The following INSM2 variants were observed in gnomAD, a reference collection of about 807,000 sequenced individuals.
INSM2 encodes the protein INSM transcriptional repressor 2.
Under a neutral mutation model 30.5 loss-of-function variants are expected in INSM2, and 12 were observed. The ratio of observed to expected loss-of-function variants is 0.39; its 90% CI spans 0.25 to 0.64. The LOEUF is 0.64. Among genes scored for constraint, INSM2 ranks in the 30% least tolerant of loss-of-function variants. The pLI is 0.47. For synonymous variants in INSM2, 418 were observed against 383.7 expected (o/e 1.09, Z -1.05); for missense variants, 773 against 819.2 (o/e 0.94, Z 0.69).
Position 35,536,098 on chromosome 14 carries a change from C to A in INSM2, c.*145C>A. On this transcript the variant is annotated 3_prime_UTR_variant, in exon 1 of 1. Transcript: ENST00000307169. ...TAAAATTCTCCCTGTAGTCAATGTT[C>A]CACCAGAGGAGCGGACAGTGAAATG... 1.0e-6 allele frequency: 1 copy of A among 977,484 alleles called. No individual in the cohort carries two copies. Among genetic ancestry groups the A allele is most frequent in the Non-Finnish European group, 1.5e-6 (1 of 654,884 alleles). The allele number at this position is 977,484 out of a possible 1,614,324, so 60.6% of individuals were successfully genotyped here.
At position 35,534,808 on chromosome 14, in the gene INSM2, G is replaced by T. The variant is rs762759198; in HGVS notation, c.556G>T (p.Ala186Ser). 4 of 1,470,054 alleles carry T rather than the reference G, an allele frequency of 2.7e-6. No individual in the cohort carries two copies. In the Admixed American group the frequency reaches 1.1e-4, roughly 41 times the overall value. 91.1% of individuals were successfully genotyped at this position (1,470,054 alleles called of 1,614,324 possible). ...TCAGCCGGACCCTGCGCCCCTCTCG[G>T]CCGCCCTTCAGAGTCTGAAGCGGGC... ...ALQPDPAPLS[A>S]ALQSLKRAAG... The change falls in exon 1 of 1, where the codon GCC (alanine) becomes TCC (serine). Residue 186 changes from alanine (A) to serine (S), a missense_variant. Ala to Ser is a moderately conservative substitution (Grantham distance 99). Coordinates refer to ENST00000307169, the MANE Select transcript of INSM2 (RefSeq NM_032594.4).
In INSM2 at chr14:35,535,105, C is replaced by A; in HGVS notation, c.853C>A (p.Arg285Ser). ...CGCGCTGGCCCAGCACCGCTGCTCC[C>A]GCATCGTGCGCGTAGAGTACCGCTG... Reference protein sequence around the residue: ...PFALAQHRCSRIVRVEYRCPE... With the variant: ...PFALAQHRCSSIVRVEYRCPE... The change falls in exon 1 of 1, where the codon CGC (arginine) becomes AGC (serine). Residue 285 changes from arginine (R) to serine (S), a missense_variant. By Grantham distance (110) the Arg-to-Ser change is moderately radical. Coordinates refer to ENST00000307169, the MANE Select transcript of INSM2 (RefSeq NM_032594.4). The A allele has an allele frequency of 1.9e-6, 3 of 1,604,646 alleles. No individual in the cohort carries two copies. Among genetic ancestry groups the A allele is most frequent in the Non-Finnish European group, 2.6e-6 (3 of 1,175,006 alleles).
Position 35,535,125 on chromosome 14 carries a change from C to T in INSM2, c.873C>T (p.Tyr291=). 1 of 1,609,318 alleles carries T rather than the reference C, an allele frequency of 6.2e-7. No homozygotes were observed. Among genetic ancestry groups the T allele is most frequent in the Non-Finnish European group, 8.5e-7 (1 of 1,177,772 alleles). ...GCTCCCGCATCGTGCGCGTAGAGTA[C>T]CGCTGCCCTGAGTGCGACAAGGTGT... ...HRCSRIVRVE[Y]RCPECDKVFS... The change falls in exon 1 of 1, where the codon TAC becomes TAT. Residue 291 remains tyrosine, a synonymous_variant. Transcript: ENST00000307169.
At position 35,536,023 on chromosome 14, in the gene INSM2, T is replaced by G; in HGVS notation, c.*70T>G. ...CAGATCATGGGAATTTCTGTGGGGCTTTCTTCAACTTGCAAGTTTACTTTC... is the reference window on the plus strand; with the variant it reads ...CAGATCATGGGAATTTCTGTGGGGCGTTCTTCAACTTGCAAGTTTACTTTC... On this transcript the variant is annotated 3_prime_UTR_variant, in exon 1 of 1. Transcript: ENST00000307169. 6.7e-7 allele frequency: 1 copy of G among 1,496,070 alleles called. No homozygotes were observed. The highest frequency in any genetic ancestry group is 1.3e-5 in the South Asian group (1 of 74,464). The allele number at this position is 1,496,070 out of a possible 1,614,324, so 92.7% of individuals were successfully genotyped here. A position where few individuals can be genotyped will look rare whatever the true frequency, so the allele number is the denominator to read the frequency against.
At position 35,534,933 on chromosome 14, in the gene INSM2, T is replaced by C; in HGVS notation, c.681T>C (p.Phe227=). The C allele has an allele frequency of 6.3e-7, 1 of 1,591,518 alleles. No homozygotes were observed. The highest frequency in any genetic ancestry group is 8.5e-7 in the Non-Finnish European group (1 of 1,171,146). The change falls in exon 1 of 1, where the codon TTT becomes TTC. Residue 227 remains phenylalanine (F), a synonymous_variant. Transcript: ENST00000307169. The part of the protein sequence containing the change: ...KKPKAMRKLS[F]ADEVTTSPVL... ...CAAAGGCCATGAGGAAGTTGAGCTT[T>C]GCCGATGAGGTGACCACATCCCCTG...
chr14:35,535,669 C>A lies in INSM2; in HGVS notation c.1417C>A (p.Pro473Thr). 6.2e-7 allele frequency: 1 copy of A among 1,613,274 alleles called. No individual in the cohort carries two copies. Among genetic ancestry groups the A allele is most frequent in the Non-Finnish European group, 8.5e-7 (1 of 1,180,044 alleles). Residue 473 changes from proline to threonine, a missense_variant, in exon 1 of 1, where the codon CCA (proline) becomes ACA (threonine). Transcript: ENST00000307169. ...ERGAPLAFAC[P>T]LCGAHFPTAD... ...CGGTGCCCCACTTGCCTTCGCTTGC[C>A]CATTGTGCGGAGCGCACTTCCCTAC... is the stretch of plus-strand genomic sequence containing the variant.
At position 35,536,045 on chromosome 14, in the gene INSM2, T is replaced by G. The variant is rs2053597241; in HGVS notation, c.*92T>G. 7.0e-7 allele frequency: 1 copy of G among 1,426,032 alleles called. No individual in the cohort carries two copies. The highest frequency in any genetic ancestry group is 1.4e-5 in the African/African-American group (1 of 69,916). 88.3% of individuals were successfully genotyped at this position (1,426,032 alleles called of 1,614,324 possible). On this transcript the variant is annotated 3_prime_UTR_variant, in exon 1 of 1. Transcript: ENST00000307169. Reference sequence around the variant, plus strand: ...GGCTTTCTTCAACTTGCAAGTTTACTTTCATTCCTTCCTATGTTTTAATCC... The same window carrying G: ...GGCTTTCTTCAACTTGCAAGTTTACGTTCATTCCTTCCTATGTTTTAATCC...
At position 35,534,860 on chromosome 14, in the gene INSM2, C is replaced by A; in HGVS notation, c.608C>A (p.Ala203Glu). The change falls in exon 1 of 1, where the codon GCA becomes GAA. Residue 203 changes from alanine (A) to glutamate (E), a missense_variant. By Grantham distance (107) the Ala-to-Glu change is moderately radical (BLOSUM62 -1). Transcript: ENST00000307169. The stretch of plus-strand genomic sequence containing the variant: ...GCCGGCGGCGAGCGCCGCGGCAAGG[C>A]ACCCACGGACTGCGCGTCTGGACCC... The part of the protein sequence containing the change: ...RAAGGERRGK[A>E]PTDCASGPAA... 1 of 1,559,516 alleles carries A rather than the reference C, an allele frequency of 6.4e-7. No individual in the cohort carries two copies. The highest frequency in any genetic ancestry group is 1.2e-5 in the South Asian group (1 of 84,330).
At position 35,536,734 on chromosome 14, in the gene INSM2, T is replaced by G. The variant is rs1455132905; in HGVS notation, c.*781T>G. The G allele has an allele frequency of 6.0e-6, 1 of 167,038 alleles. No homozygotes were observed. The highest frequency in any genetic ancestry group is 2.4e-5 in the African/African-American group (1 of 41,468). The allele number at this position is 167,038 out of a possible 1,614,324, so 10.3% of individuals were successfully genotyped here. On this transcript the variant is annotated 3_prime_UTR_variant, in exon 1 of 1. Transcript: ENST00000307169. ...AAATACAGAAGTCGTTTCCTCAAGTTTGACTGTTTTAATGGGGTTTCACCC... is the reference window on the plus strand; with the variant it reads ...AAATACAGAAGTCGTTTCCTCAAGTGTGACTGTTTTAATGGGGTTTCACCC...
Position 35,534,859 on chromosome 14 carries a change from GCACCCAC to G in INSM2, c.608_614del (p.Ala203GlyfsTer18). On this transcript the variant is annotated frameshift_variant, in exon 1 of 1. Transcript: ENST00000307169. LOFTEE classifies it high-confidence loss of function. The stretch of plus-strand genomic sequence containing the variant: ...GGCCGGCGGCGAGCGCCGCGGCAAG[GCACCCAC>G]GGACTGCGCGTCTGGACCCGCGGCC... The G allele has an allele frequency of 6.4e-7, 1 of 1,559,122 alleles. No homozygotes were observed. Among genetic ancestry groups the G allele is most frequent in the Non-Finnish European group, 8.6e-7 (1 of 1,159,950 alleles).
At position 35,535,414 on chromosome 14, in the gene INSM2, C is replaced by T. The variant is rs2053590317; in HGVS notation, c.1162C>T (p.Gln388Ter). ...HPDSAPRQGL[Q>*]VLTHPEPPLP... Reference sequence around the variant, plus strand: ...GGACAGCGCCCCGAGGCAGGGCCTCCAGGTGCTGACGCATCCAGAGCCACC... The same window carrying T: ...GGACAGCGCCCCGAGGCAGGGCCTCTAGGTGCTGACGCATCCAGAGCCACC... The change falls in exon 1 of 1, where the codon CAG (glutamine) becomes TAG (stop). Residue 388 changes from glutamine (Q) to a stop codon, truncating the protein, a stop_gained. Transcript: ENST00000307169. LOFTEE classifies it high-confidence loss of function. 1 of 1,611,822 alleles carries T rather than the reference C, an allele frequency of 6.2e-7. No homozygotes were observed. The highest frequency in any genetic ancestry group is 1.7e-5 in the Admixed American group (1 of 59,958).
Position 35,534,336 on chromosome 14 carries a change from G to A in INSM2, c.84G>A (p.Leu28=). The A allele has an allele frequency of 6.3e-7, 1 of 1,586,502 alleles. No homozygotes were observed. Among genetic ancestry groups the A allele is most frequent in the Non-Finnish European group, 8.6e-7 (1 of 1,168,134 alleles). ...RVRLAERVFP[L]LGPQGAPPFL... ...GCCTTGCGGAGCGTGTCTTCCCTCT[G>A]CTGGGGCCCCAGGGGGCGCCGCCCT... The change falls in exon 1 of 1, where the codon CTG becomes CTA. Residue 28 remains leucine, a synonymous_variant. Coordinates refer to ENST00000307169, the MANE Select transcript of INSM2 (RefSeq NM_032594.4).
In INSM2 at chr14:35,535,496, G is replaced by T. The variant is rs2053591475; in HGVS notation, c.1244G>T (p.Gly415Val). 1 of 1,613,316 alleles carries T rather than the reference G, an allele frequency of 6.2e-7. No individual in the cohort carries two copies. Among genetic ancestry groups the T allele is most frequent in the East Asian group, 2.2e-5 (1 of 44,874 alleles). The stretch of plus-strand genomic sequence containing the variant: ...TTGGGGCGCCGGGTACCTGTGCCGG[G>T]CAGTACCAGTGGTGGCAGGGGATCC... Reference protein sequence around the residue: ...GVLGRRVPVPGSTSGGRGSEI... With the variant: ...GVLGRRVPVPVSTSGGRGSEI... The change falls in exon 1 of 1, where the codon GGC (glycine) becomes GTC (valine). Residue 415 changes from glycine (G) to valine (V), a missense_variant. Physicochemically the swap from Gly to Val is moderately radical, Grantham distance 109. Transcript: ENST00000307169.
At position 35,535,463 on chromosome 14, in the gene INSM2, A is replaced by G; in HGVS notation, c.1211A>G (p.Glu404Gly). 1 of 1,612,986 alleles carries G rather than the reference A, an allele frequency of 6.2e-7. No homozygotes were observed. The highest frequency in any genetic ancestry group is 1.3e-5 in the African/African-American group (1 of 75,044). Reference protein sequence around the residue: ...EPPLPQGPYTEGVLGRRVPVP... With the variant: ...EPPLPQGPYTGGVLGRRVPVP... ...CCGCTGCCTCAGGGCCCCTACACGG[A>G]GGGGGTGTTGGGGCGCCGGGTACCT... Residue 404 changes from glutamate (E) to glycine (G), a missense_variant, in exon 1 of 1, where the codon GAG becomes GGG. Glu to Gly is a moderately conservative substitution (Grantham distance 98). Transcript: ENST00000307169.
chr14:35,534,328 T>C lies in INSM2; in HGVS notation c.76T>C (p.Phe26Leu), dbSNP rs1326007725. The C allele has an allele frequency of 6.3e-7, 1 of 1,590,636 alleles. No individual in the cohort carries two copies. The highest frequency in any genetic ancestry group is 8.5e-7 in the Non-Finnish European group (1 of 1,169,682). Residue 26 changes from phenylalanine (F) to leucine (L), a missense_variant, in exon 1 of 1, where the codon TTC (phenylalanine) becomes CTC (leucine). By Grantham distance (22) the Phe-to-Leu change is conservative (BLOSUM62 0). Coordinates refer to ENST00000307169, the MANE Select transcript of INSM2 (RefSeq NM_032594.4). ...CCGAGTTCGCCTTGCGGAGCGTGTC[T>C]TCCCTCTGCTGGGGCCCCAGGGGGC... ...LYRVRLAERVFPLLGPQGAPP... is the reference protein window; with the variant it reads ...LYRVRLAERVLPLLGPQGAPP...
rs185018612 is a variant in INSM2, at chr14:35,536,877, C to T, written c.*924C>T. The T allele has an allele frequency of 6.0e-6, 1 of 167,130 alleles. No homozygotes were observed. Among genetic ancestry groups the T allele is most frequent in the Non-Finnish European group, 1.5e-5 (1 of 68,104 alleles). The allele number at this position is 167,130 out of a possible 1,614,324, so 10.4% of individuals were successfully genotyped here. On this transcript the variant is annotated 3_prime_UTR_variant, in exon 1 of 1. Coordinates refer to ENST00000307169, the MANE Select transcript of INSM2 (RefSeq NM_032594.4). ...CTAAGGAACTGAATGGCAATTTGCT[C>T]AATATTCAGTATTTTCTTTTCAGCG... is the stretch of plus-strand genomic sequence containing the variant.
rs759766459 is a variant in INSM2 at position 35,535,281 on chromosome 14, C to T, written c.1029C>T (p.Ser343=). ...PSSSSSSSRD[S]GAIASFLAEG... ...CGTCGTCTTCGTCCTCCCGGGACTC[C>T]GGGGCCATTGCATCTTTTCTGGCGG... Residue 343 remains serine, a synonymous_variant, in exon 1 of 1, where the codon TCC becomes TCT. Transcript: ENST00000307169. 3 of 1,613,118 alleles carry T rather than the reference C, an allele frequency of 1.9e-6. No homozygotes were observed. The highest frequency in any genetic ancestry group is 1.7e-5 in the Admixed American group (1 of 60,000).
Position 35,535,704 on chromosome 14 carries a change from C to G in INSM2, c.1452C>G (p.Ile484Met), listed in dbSNP as rs753101993. 6.2e-7 allele frequency: 1 copy of G among 1,613,182 alleles called. No homozygotes were observed. Among genetic ancestry groups the G allele is most frequent in the African/African-American group, 1.3e-5 (1 of 74,962 alleles). ...LCGAHFPTADIREKHRLWHAV... is the reference protein window; with the variant it reads ...LCGAHFPTADMREKHRLWHAV... The stretch of plus-strand genomic sequence containing the variant: ...GAGCGCACTTCCCTACAGCAGATAT[C>G]AGGGAGAAGCACCGGCTGTGGCATG... Residue 484 changes from isoleucine (I) to methionine (M), a missense_variant, in exon 1 of 1, where the codon ATC (isoleucine) becomes ATG (methionine). Ile to Met is a conservative substitution (Grantham distance 10). Transcript: ENST00000307169.
chr14:35,535,683 G>T lies in INSM2; in HGVS notation c.1431G>T (p.Ala477=), dbSNP rs1372420989. 1 of 1,613,280 alleles carries T rather than the reference G, an allele frequency of 6.2e-7. No homozygotes were observed. The highest frequency in any genetic ancestry group is 8.5e-7 in the Non-Finnish European group (1 of 1,180,028). The part of the protein sequence containing the change: ...PLAFACPLCG[A]HFPTADIREK... Reference sequence around the variant, plus strand: ...CCTTCGCTTGCCCATTGTGCGGAGCGCACTTCCCTACAGCAGATATCAGGG... The same window carrying T: ...CCTTCGCTTGCCCATTGTGCGGAGCTCACTTCCCTACAGCAGATATCAGGG... Residue 477 remains alanine (A), a synonymous_variant, in exon 1 of 1, where the codon GCG becomes GCT. Transcript: ENST00000307169.
Sources: gnomAD v4.1 joint callset for allele counts on GRCh38, gnomAD v4.1.1 for gene constraint, MANE v1.5 for transcripts, NCBI Gene and HGNC (gene_info 2026-07-23, HGNC 2026-07-21) for gene names.